The following CADM2 variants were observed in gnomAD, a reference collection of about 807,000 sequenced individuals.
The protein encoded by CADM2 is immunoglobulin superfamily member 4D.
Under a neutral mutation model 49.8 loss-of-function variants are expected in CADM2, and 12 were observed. That is an observed-to-expected ratio of 0.24 (90% confidence interval 0.15 to 0.39). The LOEUF (loss-of-function observed/expected upper bound fraction) is 0.39. Ranked by LOEUF, CADM2 falls within the 10% of genes least tolerant of loss-of-function variation. The probability of loss-of-function intolerance (pLI) is 1.00; values close to 1 mark genes in which losing one functional copy is unlikely to be tolerated. For missense variants in CADM2, 378 were observed against 492.3 expected, an observed-to-expected ratio of 0.77 and a Z score of 2.20; for synonymous variants, 214 against 175.4, an observed-to-expected ratio of 1.22 and a Z score of -1.74.
intron 1 of CADM2, among the ~76,000 whole-genome samples, chr3:85,266,968 C>T (rs866741785): frequency 5.3e-5 from 8 of 151,850 alleles, no homozygotes; most frequent in Middle Eastern, 3.2e-3. Context: ...AATTTTTCTT[C>T]ATCAAGGAAT....
At chr3:85,419,191 C>G (rs903525598) in intron 1 of CADM2, among the ~76,000 whole-genome samples, 7 of 152,162 alleles carry the variant, frequency 4.6e-5, no homozygotes, top group Non-Finnish European at 1.0e-4. Context: ...AGTGGTGGCT[C>G]ACGCCTGTAA....
intron 8 of CADM2, among the ~76,000 whole-genome samples, chr3:86,057,081 A>G (rs1458232432): frequency 6.6e-6 from 1 of 152,176 alleles, no homozygotes; most frequent in Non-Finnish European, 1.5e-5. Context: ...CATGTTTTCT[A>G]TCTCTTAGAT....
At chr3:85,105,657 T>C (rs1245652972) in intron 1 of CADM2, among the ~76,000 whole-genome samples, 2 of 152,086 alleles carry the variant, frequency 1.3e-5, no homozygotes, top group African/African-American at 2.4e-5. Context: ...ATGTTTATTG[T>C]GACACTATTC....
intron 6 of CADM2, among the ~76,000 whole-genome samples, chr3:85,919,243 A>G (rs1447630228): frequency 3.9e-5 from 6 of 152,058 alleles, no homozygotes; most frequent in Admixed American, 3.9e-4. Flanking sequence ...TAACAGTACT[A>G]GGCTTTGCCT....
chr3:85,259,736 A>G (rs2042971278), intron 1 of CADM2, among the ~76,000 whole-genome samples: 1 of 152,108 alleles, frequency 6.6e-6, no homozygotes, highest in Admixed American at 6.6e-5. Context: ...TTAGATACAG[A>G]ATTTCAAATC....
Position 85,427,350 on chromosome 3 carries a change from G to T in CADM2, c.62-299172G>T, listed in dbSNP as rs1031060388. 5.9e-5 allele frequency among the ~76,000 whole-genome samples: 9 copies of T among 151,846 alleles called. No homozygotes were observed. In the South Asian group the frequency reaches 1.0e-3, roughly 18 times the overall value. The stretch of plus-strand genomic sequence containing the variant: ...TGAATATGTTTTGTGAATTAAAATT[G>T]TCTTATGAGAAGATATGCCCACCAT... On this transcript the variant is annotated intron_variant, in intron 1 of 9. Coordinates refer to ENST00000383699, the MANE Select transcript of CADM2 (RefSeq NM_001167675.2).
Position 85,927,000 on chromosome 3 carries a change from G to A in CADM2, c.701-8767G>A, listed in dbSNP as rs555185554. Among the ~76,000 whole-genome samples, 9 of 152,268 alleles carry A rather than the reference G, an allele frequency of 5.9e-5. No homozygotes were observed. In the East Asian group the frequency reaches 9.6e-4, roughly 16 times the overall value. On this transcript the variant is annotated intron_variant, in intron 6 of 9. Coordinates refer to ENST00000383699, the MANE Select transcript of CADM2 (RefSeq NM_001167675.2). ...GAAAAAGGGTCAAATAAATTTATCA[G>A]TGTTAACTTCACTCCTTTGAGCATG...
At chr3:85,179,372 A>T (rs918460119) in intron 1 of CADM2, among the ~76,000 whole-genome samples, 4 of 152,068 alleles carry the variant, frequency 2.6e-5, no homozygotes, top group African/African-American at 9.6e-5. Flanking sequence ...GTGACTTCTT[A>T]TAATGTGCAT....
intron 1 of CADM2, among the ~76,000 whole-genome samples, chr3:85,209,979 T>C (rs1288912312): frequency 1.3e-5 from 2 of 152,168 alleles, no homozygotes; most frequent in Non-Finnish European, 2.9e-5. Context: ...ATAAACCATG[T>C]CTTACCTCCA....
intron 1 of CADM2, among the ~76,000 whole-genome samples, chr3:85,153,571 C>T (rs1248462468): frequency 6.6e-6 from 1 of 152,204 alleles, no homozygotes; most frequent in Non-Finnish European, 1.5e-5. Flanking sequence ...GAAGCTCCAA[C>T]TGGGTGGAGC....
chr3:85,630,540 G>A (rs2064277678), intron 1 of CADM2, among the ~76,000 whole-genome samples: 1 of 151,952 alleles, frequency 6.6e-6, no homozygotes, highest in Admixed American at 6.6e-5. Context: ...TATATCCTCA[G>A]GTTCCATCCC....
chr3:86,001,662 A>G (rs1730209294), intron 8 of CADM2, among the ~76,000 whole-genome samples: 2 of 152,100 alleles, frequency 1.3e-5, no homozygotes, highest in South Asian at 4.1e-4. Flanking sequence ...TGCACAGTAA[A>G]CCAAGAATTT....
At chr3:85,632,694 G>A (rs1368315369) in intron 1 of CADM2, among the ~76,000 whole-genome samples, 3 of 151,870 alleles carry the variant, frequency 2.0e-5, no homozygotes, top group African/African-American at 4.8e-5. Context: ...TCTCATTGTG[G>A]TGCACTTTTG....
intron 1 of CADM2, among the ~76,000 whole-genome samples, chr3:85,023,358 T>C (rs1319649899): frequency 6.6e-6 from 1 of 152,088 alleles, no homozygotes; most frequent in Admixed American, 6.6e-5. Context: ...TTCTATCTTA[T>C]CAAACATGCT....
intron 1 of CADM2, among the ~76,000 whole-genome samples, chr3:85,371,972 A>T (rs1169522613): frequency 1.3e-5 from 2 of 151,662 alleles, no homozygotes; most frequent in African/African-American, 4.8e-5. Flanking sequence ...TGTTCAACTA[A>T]GTTTTTTGTT....
intron 8 of CADM2, among the ~76,000 whole-genome samples, chr3:85,998,619 A>T (rs1729730920): frequency 6.6e-6 from 1 of 152,290 alleles, no homozygotes; most frequent in Middle Eastern, 3.4e-3. Flanking sequence ...AAATTATATG[A>T]TATATAGTAG....
intron 1 of CADM2, among the ~76,000 whole-genome samples, chr3:85,381,778 C>T (rs1479092344): frequency 6.6e-6 from 1 of 152,026 alleles, no homozygotes; most frequent in Non-Finnish European, 1.5e-5. Flanking sequence ...TGTGGGATGA[C>T]TCCTCAGCAT....
At chr3:85,810,532 GTTTTTTT>G (rs71112120) in intron 3 of CADM2, among the ~76,000 whole-genome samples, 3 of 87,176 alleles carry the variant, frequency 3.4e-5, no homozygotes, top group African/African-American at 4.4e-5. Context: ...ATAGAATTCT[GTTTTTTT>G]TTTTTTTTTT....
intron 1 of CADM2, among the ~76,000 whole-genome samples, chr3:85,088,230 T>C (rs527765432): frequency 6.6e-6 from 1 of 152,252 alleles, no homozygotes; most frequent in East Asian, 1.9e-4. Context: ...GCTTTCCTTA[T>C]ACAAAAAGTA....
Sources: allele counts gnomAD v4.1 joint callset (sites outside exome capture counted in the v4.1 genomes callset), GRCh38; gene constraint gnomAD v4.1.1; transcripts MANE v1.5; gene names NCBI Gene and HGNC (gene_info 2026-07-23, HGNC 2026-07-21).